DNAJA2: variants seen among roughly 807,000 people sequenced by gnomAD.
DNAJA2 encodes DnaJ heat shock protein family (Hsp40) member A2, also known as dnaJ homolog subfamily A member 2.
In DNAJA2, 6 loss-of-function variants were observed where a neutral mutation model predicts 49.3. The ratio of observed to expected loss-of-function variants is 0.12; its 90% confidence interval spans 0.07 to 0.24. The LOEUF is 0.24. Among genes scored for constraint, DNAJA2 ranks in the 10% least tolerant of loss-of-function variants. The pLI is 1.00. For synonymous variants in DNAJA2, 160 were observed against 172.7 expected, an observed-to-expected ratio of 0.93 and a Z score of 0.58; for missense variants, 347 against 516.8, an observed-to-expected ratio of 0.67 and a Z score of 3.19.
At chr16:46,961,173 G>A (rs1961890786) in intron 6 of DNAJA2, among the ~76,000 whole-genome samples, 2 of 152,000 alleles carry the variant, frequency 1.3e-5, no homozygotes, top group African/African-American at 4.8e-5. Context: ...GAGGCAGGTG[G>A]ATCACCTGAG....
chr16:46,961,432 T>TAATC (rs980765864), intron 6 of DNAJA2, among the ~76,000 whole-genome samples: 7 of 151,938 alleles, frequency 4.6e-5, no homozygotes, highest in African/African-American at 1.7e-4. Context: ...CTCACACCTA[T>TAATC]AATCCTAGCA....
Position 46,956,252 on chromosome 16 carries a change from C to G in DNAJA2, c.*777G>C, listed in dbSNP as rs1961808911. 1 of 151,988 alleles carries G rather than the reference C, an allele frequency of 6.6e-6. No homozygotes were observed. The allele number at this position is 151,988 out of a possible 1,614,324, so 9.4% of individuals were successfully genotyped here. A position where few individuals can be genotyped will look rare whatever the true frequency, so the allele number is the denominator to read the frequency against. ...CTGTCTCTACCAGCCTTTTGTCTTC[C>G]AAGACTATAAGATGGGCATAGGCCT... is the stretch of plus-strand genomic sequence containing the variant. On this transcript the variant is annotated 3_prime_UTR_variant, in exon 9 of 9. Coordinates refer to ENST00000317089, the MANE Select transcript of DNAJA2 (RefSeq NM_005880.4).
At chr16:46,971,752 T>G in intron 2 of DNAJA2, 144 bp downstream of exon 2, 1 of 927,408 alleles carries the variant, frequency 1.1e-6, no homozygotes, top group Non-Finnish European at 1.7e-6. Context: ...ACTCTTATTC[T>G]AAAACTAAAA....
Position 46,964,864 on chromosome 16 carries a change from C to G in DNAJA2, c.578-57G>C, listed in dbSNP as rs1177730563. Reference sequence around the variant, plus strand: ...AGAGTACTATACTGTACTCTTAATACCCTTATTCTTTAAATATGCTTTCTG... The same window carrying G: ...AGAGTACTATACTGTACTCTTAATAGCCTTATTCTTTAAATATGCTTTCTG... On this transcript the variant is annotated intron_variant, in intron 5 of 8. Transcript: ENST00000317089. 4.5e-6 allele frequency: 6 copies of G among 1,333,514 alleles called. No homozygotes were observed. In the East Asian group the frequency reaches 1.2e-4, roughly 26 times the overall value. 82.6% of individuals were successfully genotyped at this position (1,333,514 alleles called of 1,614,324 possible). A position where few individuals can be genotyped will look rare whatever the true frequency, so the allele number is the denominator to read the frequency against.
intron 3 of DNAJA2, among the ~76,000 whole-genome samples, chr16:46,969,520 T>C (rs1962017008): frequency 6.6e-6 from 1 of 152,092 alleles, no homozygotes; most frequent in Admixed American, 6.6e-5. Context: ...GAAGGAAAAA[T>C]GCAGGTAATG....
chr16:46,970,728 TTC>T (rs1962032076), intron 3 of DNAJA2, among the ~76,000 whole-genome samples: 1 of 6,412 alleles, frequency 1.6e-4, no homozygotes, highest in Non-Finnish European at 9.8e-4. Flanking sequence ...GGGACTCCAT[TTC>T]AAAAAAAAAA....
At position 46,958,037 on chromosome 16, in the gene DNAJA2, C is replaced by T. The variant is rs73532936; in HGVS notation, c.1048-817G>A. 6.3e-4 allele frequency among the ~76,000 whole-genome samples: 96 copies of T among 152,316 alleles called. 1 individual carries two copies. The highest frequency in any genetic ancestry group is 2.3e-3 in the African/African-American group (95 of 41,574). ...TACTTTAAAATTGAAAGTAACATGA[C>T]TATTAAGAAACTTGAAGTCGGCTGG... is the stretch of plus-strand genomic sequence containing the variant. On this transcript the variant is annotated intron_variant, in intron 8 of 8. Transcript: ENST00000317089.
intron 3 of DNAJA2, among the ~76,000 whole-genome samples, chr16:46,969,848 T>A (rs1962021125): frequency 2.0e-5 from 3 of 152,206 alleles, no homozygotes. Flanking sequence ...TTTTTAAACA[T>A]GAAGAACTAT....
In DNAJA2 at chr16:46,971,440, T is replaced by C. The variant is rs1302433690; in HGVS notation, c.271A>G (p.Ile91Val). ...GGGMDDIFSH[I>V]FGGGLFGFMG... The stretch of plus-strand genomic sequence containing the variant: ...AAGCCGAACAATCCCCCACCAAAAA[T>C]GTGAGAGAAAATATCATCCATGCCA... Residue 91 changes from isoleucine to valine, a missense_variant, in exon 3 of 9, where the codon ATT (isoleucine) becomes GTT (valine). Coordinates refer to ENST00000317089, the MANE Select transcript of DNAJA2 (RefSeq NM_005880.4). 3.1e-6 allele frequency: 5 copies of C among 1,614,040 alleles called. No homozygotes were observed. The highest frequency in any genetic ancestry group is 2.2e-5 in the South Asian group (2 of 91,070).
chr16:46,964,590 A>G, intron 6 of DNAJA2, 21 bp downstream of exon 6: 1 of 1,583,632 alleles, frequency 6.3e-7, no homozygotes. Flanking sequence ...AAATACAAAA[A>G]ACTAAAAAAA....
rs575291050 is a variant in DNAJA2, at chr16:46,967,640, G to T, written c.450C>A (p.Gly150=). 3.7e-6 allele frequency: 6 copies of T among 1,613,996 alleles called. No homozygotes were observed. Among genetic ancestry groups the T allele is most frequent in the Non-Finnish European group, 4.2e-6 (5 of 1,180,022 alleles). The part of the protein sequence containing the change: ...NVLCSACSGQ[G]GKSGAVQKCS... ...ACTTTTGGACAGCTCCAGACTTTCC[G>T]CCTTGGCTAAAGCAAGCACAAGTTA... is the stretch of plus-strand genomic sequence containing the variant. Residue 150 remains glycine, a synonymous_variant, in exon 5 of 9, where the codon GGC becomes GGA. Transcript: ENST00000317089.
intron 6 of DNAJA2, among the ~76,000 whole-genome samples, chr16:46,963,996 T>C (rs559980543): frequency 2.6e-5 from 4 of 152,198 alleles, no homozygotes; most frequent in African/African-American, 9.6e-5. Flanking sequence ...CGCTTGAACC[T>C]GGGAGGTGGA....
intron 8 of DNAJA2, among the ~76,000 whole-genome samples, chr16:46,957,902 A>T (rs1396108617): frequency 6.6e-6 from 1 of 152,018 alleles, no homozygotes; most frequent in Admixed American, 6.6e-5. Context: ...ATCACCACCC[A>T]CACCGGGTCT....
At position 46,964,722 on chromosome 16, in the gene DNAJA2, T is replaced by C; in HGVS notation, c.663A>G (p.Val221=). The change falls in exon 6 of 9, where the codon GTA becomes GTG. Residue 221 remains valine (V), a synonymous_variant. Transcript: ENST00000317089. The stretch of plus-strand genomic sequence containing the variant: ...TCTGTCCATGTTTCATGCCTTTGTC[T>C]ACGTGGACTTCAAGAATCTTGACTT... ...IKEVKILEVH[V]DKGMKHGQRI... is the part of the protein sequence containing the mutation. The C allele has an allele frequency of 6.2e-7, 1 of 1,614,220 alleles. No homozygotes were observed.
intron 3 of DNAJA2, among the ~76,000 whole-genome samples, chr16:46,970,632 G>C (rs1245081622): frequency 6.7e-6 from 1 of 149,108 alleles, no homozygotes; most frequent in Non-Finnish European, 1.5e-5. Context: ...CTACTTGGGG[G>C]GCTGAGGCAG....
intron 4 of DNAJA2, 65 bp downstream of exon 4, chr16:46,968,019 G>C (rs1961997551): frequency 4.3e-6 from 6 of 1,384,440 alleles, no homozygotes; most frequent in Non-Finnish European, 6.0e-6. Flanking sequence ...ACGTGGTACA[G>C]ACATTCAGTG....
intron 3 of DNAJA2, among the ~76,000 whole-genome samples, chr16:46,970,551 A>G (rs1391687793): frequency 6.6e-6 from 1 of 150,434 alleles, no homozygotes; most frequent in African/African-American, 2.5e-5. Flanking sequence ...CTTGGCCAAC[A>G]TGGCGAAACC....
intron 6 of DNAJA2, among the ~76,000 whole-genome samples, chr16:46,962,373 C>G (rs1390481236): frequency 6.6e-6 from 1 of 151,086 alleles, no homozygotes; most frequent in Non-Finnish European, 1.5e-5. Flanking sequence ...TGACATGCCT[C>G]AAACCAAAAA....
At chr16:46,967,861 G>A (rs1961994441) in intron 4 of DNAJA2, among the ~76,000 whole-genome samples, 1 of 151,978 alleles carries the variant, frequency 6.6e-6, no homozygotes, top group Admixed American at 6.6e-5. Context: ...GTGCAGTGGC[G>A]CAATCTTGGT....
Sources: gnomAD v4.1 joint callset for allele counts (sites outside exome capture counted in the v4.1 genomes callset) on GRCh38, gnomAD v4.1.1 for gene constraint, MANE v1.5 for transcripts, NCBI Gene and HGNC (gene_info 2026-07-23, HGNC 2026-07-21) for gene names.